ECPAS: variants seen among roughly 807,000 people sequenced by gnomAD.
ECPAS encodes the protein Ecm29 proteasome adaptor and scaffold.
A neutral mutation model predicts 255.1 loss-of-function variants in ECPAS; 70 were observed. That is an observed-to-expected ratio of 0.27 (90% CI 0.23 to 0.33). The LOEUF (loss-of-function observed/expected upper bound fraction) is 0.33, where lower values mean the gene tolerates loss of function less well. ECPAS is among the 10% of genes least tolerant of loss of function. The probability of loss-of-function intolerance (pLI) is 1.00; values close to 1 mark genes in which losing one functional copy is unlikely to be tolerated. For missense variants in ECPAS, 1,817 were observed against 2,206.4 expected (o/e 0.82, Z 3.54); for synonymous variants, 784 against 775.0 (o/e 1.01, Z -0.19).
Position 111,437,015 on chromosome 9 carries a change from A to C in ECPAS, c.633T>G (p.Pro211=), listed in dbSNP as rs200230904. The C allele has an allele frequency of 2.3e-4, 376 of 1,612,916 alleles. No homozygotes were observed. The highest frequency in any genetic ancestry group is 8.2e-4 in the Middle Eastern group (5 of 6,080). Residue 211 remains proline (P), a synonymous_variant, in exon 7 of 50, where the codon CCT becomes CCG. Coordinates refer to ENST00000684092, the MANE Select transcript of ECPAS (RefSeq NM_001364929.1). ...NSGGGSGIPQ[P]PPGMSFYAAK... Reference sequence around the variant, plus strand: ...CTGCATAAAAGCTCATTCCCGGAGGAGGCTGTGGGATTCCAGAACCTCCGC... The same window carrying C: ...CTGCATAAAAGCTCATTCCCGGAGGCGGCTGTGGGATTCCAGAACCTCCGC...
intron 3 of ECPAS, among the ~76,000 whole-genome samples, chr9:111,446,124 C>T (rs965807200): frequency 1.3e-5 from 2 of 152,164 alleles, no homozygotes; most frequent in Non-Finnish European, 2.9e-5. Context: ...TGTGAATAGT[C>T]TGAGGCATTT....
At chr9:111,452,434 A>AAT (rs925075492) in intron 2 of ECPAS, among the ~76,000 whole-genome samples, 2 of 152,228 alleles carry the variant, frequency 1.3e-5, no homozygotes, top group African/African-American at 4.8e-5. Flanking sequence ...TTCAATTTAA[A>AAT]ATATATATTT....
At chr9:111,372,346 G>A (rs2098128392) in intron 42 of ECPAS, 83 bp downstream of exon 42, 3 of 1,251,962 alleles carry the variant, frequency 2.4e-6, no homozygotes, top group Non-Finnish European at 3.4e-6. Flanking sequence ...TAACTTCAGA[G>A]GAGTTTATGA....
chr9:111,410,964 T>G lies in ECPAS; in HGVS notation c.2377+16A>C. The G allele has an allele frequency of 6.2e-7, 1 of 1,604,032 alleles. No homozygotes were observed. Among genetic ancestry groups the G allele is most frequent in the Non-Finnish European group, 8.5e-7 (1 of 1,173,414 alleles). The stretch of plus-strand genomic sequence containing the variant: ...AAAAACTGCAACACCCAAATCGACA[T>G]AAAGACATTAATTACCTATTGTTTC... On this transcript the variant is annotated intron_variant, in intron 22 of 49. Transcript: ENST00000684092.
chr9:111,399,316 T>C (rs73656245), intron 24 of ECPAS, among the ~76,000 whole-genome samples: 6,255 of 152,296 alleles, frequency 0.041, 281 homozygotes, highest in East Asian at 0.14. Context: ...TCACAGTACC[T>C]GGCTTCAGCA....
At chr9:111,480,255 T>C (rs2132131420) in intron 1 of ECPAS, among the ~76,000 whole-genome samples, 1 of 150,904 alleles carries the variant, frequency 6.6e-6, no homozygotes, top group East Asian at 2.0e-4. Flanking sequence ...GATAATTCTC[T>C]CCTTTTTTTT....
chr9:111,484,307 T>A lies in ECPAS; in HGVS notation c.-274A>T, dbSNP rs778063829. The stretch of plus-strand genomic sequence containing the variant: ...TCGAGGCGGGGCCGGAGCGCCCTTT[T>A]CCGAGGTCTGCGGCTGTCACGTTGG... On this transcript the variant is annotated 5_prime_UTR_variant, in exon 1 of 50. Coordinates refer to ENST00000684092, the MANE Select transcript of ECPAS (RefSeq NM_001364929.1). 6.3e-7 allele frequency: 1 copy of A among 1,575,408 alleles called. No homozygotes were observed. The highest frequency in any genetic ancestry group is 8.6e-7 in the Non-Finnish European group (1 of 1,162,402).
intron 2 of ECPAS, among the ~76,000 whole-genome samples, chr9:111,459,059 G>A (rs1478456950): frequency 1.3e-5 from 2 of 152,186 alleles, no homozygotes; most frequent in African/African-American, 2.4e-5. Flanking sequence ...GGTGGCATAT[G>A]AAGTCGATTC....
chr9:111,470,921 C>T (rs2098287201), intron 2 of ECPAS, among the ~76,000 whole-genome samples: 1 of 152,076 alleles, frequency 6.6e-6, no homozygotes, highest in African/African-American at 2.4e-5. Context: ...CCAGAGACAG[C>T]AGCTGGCAGA....
Position 111,373,256 on chromosome 9 carries a change from A to G in ECPAS, c.4270-20T>C, listed in dbSNP as rs774265760. The G allele has an allele frequency of 1.2e-6, 2 of 1,613,224 alleles. No homozygotes were observed. Among genetic ancestry groups the G allele is most frequent in the South Asian group, 1.1e-5 (1 of 91,072 alleles). On this transcript the variant is annotated intron_variant, in intron 40 of 49. Transcript: ENST00000684092. ...TGAGGTCTGAAAAAGAAACAATCCT[A>G]AGTATTTCTTTATAACTGTCAAAGA...
At chr9:111,416,023 A>C (rs2098202986) in intron 18 of ECPAS, among the ~76,000 whole-genome samples, 1 of 152,220 alleles carries the variant, frequency 6.6e-6, no homozygotes, top group Non-Finnish European at 1.5e-5. Context: ...AATAGTAATC[A>C]CTACAGAACA....
intron 24 of ECPAS, 135 bp downstream of exon 24, chr9:111,408,436 T>A (rs2098188595): frequency 1.7e-6 from 1 of 576,712 alleles, no homozygotes; most frequent in African/African-American, 1.9e-5. Flanking sequence ...ACAAAACTAG[T>A]ACTCAAGTAT....
intron 8 of ECPAS, 55 bp downstream of exon 8, chr9:111,433,178 A>C (rs2131854697): frequency 6.4e-7 from 1 of 1,571,626 alleles, no homozygotes; most frequent in Non-Finnish European, 8.7e-7. Context: ...TGTGTCAAGT[A>C]AGTTTTTAGA....
In ECPAS at chr9:111,406,160, ATAT is replaced by A. The variant is rs1365571080; in HGVS notation, c.2652+2408_2652+2410del. Among the ~76,000 whole-genome samples the A allele has an allele frequency of 1.1e-4, 17 of 149,894 alleles. 1 individual carries two copies. Among genetic ancestry groups the A allele is most frequent in the African/African-American group, 4.3e-4 (17 of 39,548 alleles). On this transcript the variant is annotated intron_variant, in intron 24 of 49. Transcript: ENST00000684092. ...GATGAATGGATTTTTTAAAAGTGGT[ATAT>A]ATACACAATGGAATATTATTCAGCC...
intron 16 of ECPAS, among the ~76,000 whole-genome samples, 172 bp downstream of exon 16, chr9:111,419,845 T>A (rs751138246): frequency 3.3e-5 from 5 of 150,370 alleles, no homozygotes; most frequent in African/African-American, 9.7e-5. Context: ...TATATTACTA[T>A]ATAAATATAT....
chr9:111,391,199 C>A (rs995357480), intron 29 of ECPAS, among the ~76,000 whole-genome samples: 1 of 152,162 alleles, frequency 6.6e-6, no homozygotes, highest in South Asian at 2.1e-4. Flanking sequence ...CTCCTCATCC[C>A]CCCAGAGTGA....
chr9:111,398,184 C>A (rs939517387), intron 24 of ECPAS, among the ~76,000 whole-genome samples: 1 of 152,188 alleles, frequency 6.6e-6, no homozygotes, highest in Non-Finnish European at 1.5e-5. Flanking sequence ...TGAGGCATCA[C>A]GTACTAATGC....
chr9:111,392,479 G>A (rs902054248), intron 28 of ECPAS, among the ~76,000 whole-genome samples: 3 of 152,074 alleles, frequency 2.0e-5, no homozygotes, highest in Non-Finnish European at 2.9e-5. Flanking sequence ...CTTCTTCTCC[G>A]TATCTTAACT....
chr9:111,414,088 T>C (rs2098199260), intron 19 of ECPAS, 102 bp from the exon 20 acceptor site: 1 of 691,492 alleles, frequency 1.4e-6, no homozygotes, highest in Non-Finnish European at 2.3e-6. Flanking sequence ...TTAGCACACA[T>C]TCTTTCGGTT....
Sources: gnomAD v4.1 joint callset for allele counts (sites outside exome capture counted in the v4.1 genomes callset) on GRCh38, gnomAD v4.1.1 for gene constraint, MANE v1.5 for transcripts, NCBI Gene and HGNC (gene_info 2026-07-23, HGNC 2026-07-21) for gene names.